The following ARHGEF28 variants were observed in gnomAD, a reference collection of about 807,000 sequenced individuals.
ARHGEF28 encodes the protein Rho guanine nucleotide exchange factor 28.
A neutral mutation model predicts 206.6 loss-of-function variants in ARHGEF28; 152 were observed. The ratio of observed to expected loss-of-function variants is 0.74; its 90% CI spans 0.64 to 0.84. The LOEUF is 0.84. Ranked by LOEUF, ARHGEF28 falls within the 40% of genes least tolerant of loss-of-function variation. ARHGEF28 has a pLI of 0.00. For synonymous variants in ARHGEF28, 763 were observed against 776.4 expected (o/e 0.98, Z 0.29); for missense variants, 2,028 against 2,073.2 (o/e 0.98, Z 0.42).
At chr5:73,682,261 C>G (rs576407541) in intron 1 of ARHGEF28, among the ~76,000 whole-genome samples, 103 of 152,256 alleles carry the variant, frequency 6.8e-4, no homozygotes, top group African/African-American at 2.5e-3. Context: ...GGAAACATGA[C>G]TTGGGACCTA....
intron 30 of ARHGEF28, chr5:73,900,239 G>A (rs1265279621): frequency 1.1e-4 from 17 of 151,962 alleles, no homozygotes; most frequent in Admixed American, 1.1e-3. Flanking sequence ...TTCCTATATT[G>A]GAAATAAAGT....
At chr5:73,692,006 A>G (rs969216914) in intron 2 of ARHGEF28, among the ~76,000 whole-genome samples, 6 of 152,228 alleles carry the variant, frequency 3.9e-5, no homozygotes, top group Admixed American at 2.6e-4. Flanking sequence ...AATAGTTGAC[A>G]TTTTATTCAG....
chr5:73,874,530 T>C (rs1214703212), intron 22 of ARHGEF28, among the ~76,000 whole-genome samples: 4 of 146,456 alleles, frequency 2.7e-5, no homozygotes. Context: ...CATTTAGCAT[T>C]AGGTATATCT....
At chr5:73,725,843 G>C (rs1316118783) in intron 2 of ARHGEF28, among the ~76,000 whole-genome samples, 3 of 152,214 alleles carry the variant, frequency 2.0e-5, no homozygotes, top group Non-Finnish European at 4.4e-5. Context: ...AAAAGGGTCT[G>C]AGAAGAGTTT....
intron 2 of ARHGEF28, among the ~76,000 whole-genome samples, chr5:73,703,960 G>T (rs1279583235): frequency 2.0e-5 from 3 of 151,230 alleles, no homozygotes; most frequent in African/African-American, 7.3e-5. Flanking sequence ...GGAGGCAGAG[G>T]TTGCAGTGAG....
intron 35 of ARHGEF28, among the ~76,000 whole-genome samples, chr5:73,940,568 G>A (rs928202598): frequency 6.6e-6 from 1 of 152,000 alleles, no homozygotes; most frequent in Non-Finnish European, 1.5e-5. Flanking sequence ...AAAATAAATG[G>A]GCATCCCTTT....
rs1043922115 is a variant in ARHGEF28, at chr5:73,780,865, A to G, written c.910+120A>G. On this transcript the variant is annotated intron_variant, in intron 7 of 35. Transcript: ENST00000513042. The stretch of plus-strand genomic sequence containing the variant: ...AATCAAGGGGCTCAGAGGCAAGATC[A>G]GGGGTGTGGGATACAGCAAAGCCCC... The G allele has an allele frequency of 2.6e-5, 28 of 1,071,148 alleles. 1 individual carries two copies. In the African/African-American group the frequency reaches 2.9e-4, roughly 11 times the overall value. 66.4% of individuals were successfully genotyped at this position (1,071,148 alleles called of 1,614,324 possible).
intron 3 of ARHGEF28, among the ~76,000 whole-genome samples, chr5:73,750,798 C>T (rs758984458): frequency 4.6e-5 from 7 of 152,044 alleles, no homozygotes; most frequent in Non-Finnish European, 1.5e-5. Flanking sequence ...AACTGTGGGT[C>T]TTTCAGGCCC....
At chr5:73,749,461 G>A (rs1751911910) in intron 2 of ARHGEF28, among the ~76,000 whole-genome samples, 1 of 152,166 alleles carries the variant, frequency 6.6e-6, no homozygotes, top group South Asian at 2.1e-4. Context: ...GCGCAGAGGA[G>A]TTTAAGACCA....
At chr5:73,679,566 CA>C (rs552307895) in intron 1 of ARHGEF28, among the ~76,000 whole-genome samples, 6,378 of 62,526 alleles carry the variant, frequency 0.1, 100 homozygotes, top group East Asian at 0.2. Flanking sequence ...GACTCTGTCT[CA>C]AAAAAAAAAA....
chr5:73,752,473 T>C (rs143034358), intron 3 of ARHGEF28, among the ~76,000 whole-genome samples: 158 of 152,290 alleles, frequency 1.0e-3, no homozygotes, highest in Non-Finnish European at 1.7e-3. Context: ...GGCAAACTTG[T>C]GTAATTGTAT....
At chr5:73,723,061 CAA>C in intron 2 of ARHGEF28, among the ~76,000 whole-genome samples, 1 of 152,308 alleles carries the variant, frequency 6.6e-6, no homozygotes, top group Middle Eastern at 3.4e-3. Flanking sequence ...ACATTATTTT[CAA>C]AGTGTCTCTG....
chr5:73,914,054 G>A (rs190595646), intron 35 of ARHGEF28, among the ~76,000 whole-genome samples: 2 of 152,234 alleles, frequency 1.3e-5, no homozygotes, highest in Admixed American at 1.3e-4. Context: ...ACCTAGATAG[G>A]AATTTCTGTT....
chr5:73,898,258 C>A, intron 30 of ARHGEF28, 165 bp downstream of exon 30: 2 of 776,886 alleles, frequency 2.6e-6, no homozygotes, highest in Non-Finnish European at 3.8e-6. Flanking sequence ...AAATGAATAT[C>A]ATAGGCATAT....
chr5:73,789,879 G>A (rs1027709398), intron 7 of ARHGEF28, among the ~76,000 whole-genome samples: 1 of 152,024 alleles, frequency 6.6e-6, no homozygotes, highest in African/African-American at 2.4e-5. Context: ...TAGCAAGCCT[G>A]CCCAACCCTT....
chr5:73,795,236 T>C (rs1754731901), intron 8 of ARHGEF28, 95 bp from the exon 9 acceptor site: 2 of 1,106,618 alleles, frequency 1.8e-6, no homozygotes, highest in Non-Finnish European at 1.3e-6. Context: ...TTTTCATTGA[T>C]GCTTTCCAAG....
intron 9 of ARHGEF28, among the ~76,000 whole-genome samples, chr5:73,830,519 A>C (rs1281367308): frequency 2.0e-5 from 3 of 149,716 alleles, no homozygotes; most frequent in African/African-American, 4.9e-5. Flanking sequence ...GCGCCACTGC[A>C]CTCCAGCCTG....
chr5:73,694,594 C>T (rs1748067394), intron 2 of ARHGEF28, among the ~76,000 whole-genome samples: 1 of 152,130 alleles, frequency 6.6e-6, no homozygotes, highest in African/African-American at 2.4e-5. Flanking sequence ...GTTTTATTTC[C>T]ATATTCCAGA....
chr5:73,787,816 A>G (rs916175190), intron 7 of ARHGEF28, among the ~76,000 whole-genome samples: 4 of 152,190 alleles, frequency 2.6e-5, no homozygotes, highest in African/African-American at 9.7e-5. Context: ...ACAGGAAAGA[A>G]CAGTCTCCAT....
Sources: allele counts gnomAD v4.1 joint callset (sites outside exome capture counted in the v4.1 genomes callset), GRCh38; gene constraint gnomAD v4.1.1; transcripts MANE v1.5; gene names NCBI Gene and HGNC (gene_info 2026-07-23, HGNC 2026-07-21).